CNTN5: variants seen among roughly 807,000 people sequenced by gnomAD.
CNTN5 encodes the protein contactin 5, also known as contactin-5.
Under a neutral mutation model 129.1 loss-of-function variants are expected in CNTN5, and 77 were observed. The observed-to-expected ratio is 0.60, with a 90% CI of 0.50 to 0.72. The LOEUF is 0.72. Ranked by LOEUF, CNTN5 falls within the 30% of genes least tolerant of loss-of-function variation. CNTN5 has a pLI of 0.00. For missense variants in CNTN5, 1,478 were observed against 1,328.8 expected (o/e 1.11, Z -1.75); for synonymous variants, 509 against 465.6 (o/e 1.09, Z -1.20).
At chr11:99,520,806 A>G (rs185427727) in intron 2 of CNTN5, among the ~76,000 whole-genome samples, 6 of 152,306 alleles carry the variant, frequency 3.9e-5, no homozygotes, top group Admixed American at 2.6e-4. Flanking sequence ...TGTATGTACA[A>G]CATCATAAAA....
At chr11:99,672,408 A>T (rs1953084977) in intron 3 of CNTN5, among the ~76,000 whole-genome samples, 2 of 151,760 alleles carry the variant, frequency 1.3e-5, no homozygotes, top group South Asian at 2.1e-4. Flanking sequence ...CTATAGTGTG[A>T]TGATGGAGTT....
At chr11:99,338,009 T>C (rs1866310671) in intron 2 of CNTN5, among the ~76,000 whole-genome samples, 1 of 152,150 alleles carries the variant, frequency 6.6e-6, no homozygotes, top group African/African-American at 2.4e-5. Context: ...ATGCTTTAGT[T>C]TAAATTCATA....
intron 2 of CNTN5, among the ~76,000 whole-genome samples, chr11:99,412,261 G>GA (rs1350648277): frequency 6.6e-6 from 1 of 152,036 alleles, no homozygotes; most frequent in Non-Finnish European, 1.5e-5. Context: ...GAGGGACAGG[G>GA]AAAACAAAGG....
intron 2 of CNTN5, among the ~76,000 whole-genome samples, chr11:99,353,682 T>G: frequency 6.6e-6 from 1 of 152,204 alleles, no homozygotes; most frequent in East Asian, 1.9e-4. Context: ...CTAATGAGGA[T>G]AGCCAGGACT....
At chr11:99,281,938 A>T (rs543912234) in intron 1 of CNTN5, among the ~76,000 whole-genome samples, 46 of 152,144 alleles carry the variant, frequency 3.0e-4, no homozygotes, top group African/African-American at 1.1e-3. Flanking sequence ...GTTTATAATC[A>T]GAATTTTCGG....
chr11:99,875,098 C>T (rs899958913), intron 6 of CNTN5, among the ~76,000 whole-genome samples: 3 of 152,010 alleles, frequency 2.0e-5, no homozygotes, highest in African/African-American at 7.3e-5. Flanking sequence ...TACATATAAC[C>T]CAAATTGAGG....
chr11:99,231,668 T>C (rs2135730378), intron 1 of CNTN5, among the ~76,000 whole-genome samples: 1 of 152,330 alleles, frequency 6.6e-6, no homozygotes, highest in Middle Eastern at 3.4e-3. Flanking sequence ...ATCCCATTTG[T>C]CAACTTTTGT....
intron 2 of CNTN5, among the ~76,000 whole-genome samples, chr11:99,387,630 A>G (rs905657790): frequency 3.3e-5 from 5 of 151,162 alleles, no homozygotes; most frequent in African/African-American, 2.4e-5. Flanking sequence ...CCCTTTCCCT[A>G]ACCAAAGGAA....
At chr11:99,544,455 C>T (rs1309595351) in intron 2 of CNTN5, among the ~76,000 whole-genome samples, 1 of 152,158 alleles carries the variant, frequency 6.6e-6, no homozygotes, top group African/African-American at 2.4e-5. Flanking sequence ...TATTTAGGTA[C>T]TGTGCTGAGA....
chr11:100,066,843 A>AG (rs1943716051), intron 10 of CNTN5, among the ~76,000 whole-genome samples: 1 of 151,758 alleles, frequency 6.6e-6, no homozygotes, highest in South Asian at 2.1e-4. Flanking sequence ...CAAAAAAAAA[A>AG]AAAAAAAGTT....
chr11:99,051,189 A>G (rs375811102), intron 1 of CNTN5, among the ~76,000 whole-genome samples: 1 of 151,876 alleles, frequency 6.6e-6, no homozygotes, highest in East Asian at 1.9e-4. Context: ...CTCCCTCATC[A>G]TATTATCCTT....
intron 3 of CNTN5, among the ~76,000 whole-genome samples, chr11:99,610,952 G>C: frequency 6.6e-6 from 1 of 152,154 alleles, no homozygotes; most frequent in Non-Finnish European, 1.5e-5. Context: ...AAGTACCCAA[G>C]TACGCGTGCA....
intron 6 of CNTN5, among the ~76,000 whole-genome samples, chr11:99,849,443 A>T (rs900453021): frequency 3.3e-5 from 5 of 151,982 alleles, no homozygotes; most frequent in Admixed American, 2.0e-4. Context: ...AACCAGAAAT[A>T]TATTTTAAAA....
At chr11:99,628,140 G>T (rs548438127) in intron 3 of CNTN5, among the ~76,000 whole-genome samples, 1 of 151,678 alleles carries the variant, frequency 6.6e-6, no homozygotes, top group African/African-American at 2.4e-5. Context: ...GCATCAACTT[G>T]GTTCAAATTG....
intron 3 of CNTN5, among the ~76,000 whole-genome samples, chr11:99,675,118 A>C (rs2135957294): frequency 6.6e-6 from 1 of 152,206 alleles, no homozygotes; most frequent in South Asian, 2.1e-4. Flanking sequence ...TCATCCTACT[A>C]ACTAATTGTT....
intron 2 of CNTN5, among the ~76,000 whole-genome samples, chr11:99,347,699 T>C (rs1937995577): frequency 6.6e-6 from 1 of 151,686 alleles, no homozygotes; most frequent in African/African-American, 2.4e-5. Flanking sequence ...TTGCATTTTT[T>C]TGGTAACTAA....
intron 1 of CNTN5, among the ~76,000 whole-genome samples, chr11:99,321,001 C>T (rs2135996213): frequency 6.6e-6 from 1 of 152,260 alleles, no homozygotes; most frequent in African/African-American, 2.4e-5. Flanking sequence ...TTCTGCCTGC[C>T]AGCTTTTGAT....
At chr11:99,118,310 A>G (rs1259777422) in intron 1 of CNTN5, among the ~76,000 whole-genome samples, 1 of 152,154 alleles carries the variant, frequency 6.6e-6, no homozygotes, top group South Asian at 2.1e-4. Context: ...ATTTTATTAT[A>G]CATTTTGATG....
chr11:99,158,294 C>T (rs1267431132), intron 1 of CNTN5, among the ~76,000 whole-genome samples: 1 of 152,118 alleles, frequency 6.6e-6, no homozygotes, highest in Non-Finnish European at 1.5e-5. Flanking sequence ...AGGCAAAGAA[C>T]CATAGGGTCT....
Sources: gnomAD v4.1 joint callset for allele counts (sites outside exome capture counted in the v4.1 genomes callset) on GRCh38, gnomAD v4.1.1 for gene constraint, MANE v1.5 for transcripts, NCBI Gene and HGNC (gene_info 2026-07-23, HGNC 2026-07-21) for gene names.